Variants in HDGFL3 observed in about 807,000 individuals in gnomAD.
The protein encoded by HDGFL3 is HDGF like 3.
In HDGFL3, 6 loss-of-function variants were observed where a neutral mutation model predicts 27.6. The observed-to-expected ratio is 0.22, with a 90% confidence interval of 0.12 to 0.43. HDGFL3 has a LOEUF of 0.43. Ranked by LOEUF, HDGFL3 falls within the 20% of genes least tolerant of loss-of-function variation. The probability of loss-of-function intolerance (pLI) is 1.00; values close to 1 mark genes in which losing one functional copy is unlikely to be tolerated. For missense variants in HDGFL3, 207 were observed against 250.1 expected (o/e 0.83, Z 1.16); for synonymous variants, 88 against 88.9 (o/e 0.99, Z 0.05).
chr15:83,113,968 T>G (rs766281150), exon 4 of HDGFL3: 1 of 152,212 alleles, frequency 6.6e-6, no homozygotes, highest in Non-Finnish European at 1.5e-5. Flanking sequence ...GTAACTAGTT[T>G]CTCCCAATCC....
At chr15:83,113,896 AGG>A (rs1446292994) in exon 4 of HDGFL3, 2 of 152,298 alleles carry the variant, frequency 1.3e-5, no homozygotes, top group African/African-American at 4.8e-5. Flanking sequence ...GCAACAGCAT[AGG>A]GAGCATTCTC....
At chr15:83,127,529 G>C (rs1487366979), downstream of HDGFL3, 9 of 1,599,616 alleles carry the variant, frequency 5.6e-6, no homozygotes, top group Non-Finnish European at 7.7e-6. Flanking sequence ...GGTGTCAATT[G>C]TTGAATATAT....
intron 1 of HDGFL3, among the ~76,000 whole-genome samples, chr15:83,171,791 TG>T (rs2037249787): frequency 6.6e-6 from 1 of 152,102 alleles, no homozygotes; most frequent in South Asian, 2.1e-4. Context: ...ATTGGATACC[TG>T]GGTAATGGGA....
intron 1 of HDGFL3, among the ~76,000 whole-genome samples, chr15:83,196,734 AATTG>A (rs2037574855): frequency 1.3e-5 from 2 of 152,184 alleles, no homozygotes; most frequent in Non-Finnish European, 2.9e-5. Context: ...AAAAAAATAG[AATTG>A]ATTAACAAAA....
At chr15:83,147,049 C>T (rs1270857872) in intron 5 of HDGFL3, among the ~76,000 whole-genome samples, 1 of 151,964 alleles carries the variant, frequency 6.6e-6, no homozygotes, top group East Asian at 1.9e-4. Context: ...CAGATGTGCA[C>T]CAGATCTTAT....
At chr15:83,186,929 A>G (rs1294515007) in intron 1 of HDGFL3, among the ~76,000 whole-genome samples, 2 of 152,210 alleles carry the variant, frequency 1.3e-5, no homozygotes, top group Non-Finnish European at 2.9e-5. Flanking sequence ...TCTTTATTCT[A>G]TCTGTAAATT....
At chr15:83,194,295 C>G (rs1225896014) in intron 1 of HDGFL3, among the ~76,000 whole-genome samples, 1 of 152,028 alleles carries the variant, frequency 6.6e-6, no homozygotes, top group East Asian at 1.9e-4. Flanking sequence ...GTGAAATAAG[C>G]CAGTCACAAA....
intron 3 of HDGFL3, chr15:83,122,056 GT>G: frequency 3.6e-6 from 5 of 1,373,562 alleles, no homozygotes; most frequent in Non-Finnish European, 4.1e-6. Flanking sequence ...AATGGGGCTT[GT>G]TTTTAAATAG....
At chr15:83,159,906 C>T (rs1321256030) in intron 2 of HDGFL3, among the ~76,000 whole-genome samples, 2 of 152,014 alleles carry the variant, frequency 1.3e-5, no homozygotes, top group East Asian at 3.9e-4. Context: ...AGATGGGAAG[C>T]CATTAAAGGT....
chr15:83,126,259 A>G (rs78080430), downstream of HDGFL3, among the ~76,000 whole-genome samples: 17 of 152,284 alleles, frequency 1.1e-4, no homozygotes, highest in East Asian at 3.1e-3. Context: ...AAAGTGCCAA[A>G]AAGACTTTCC....
chr15:83,177,758 T>G (rs1490244633), intron 1 of HDGFL3, among the ~76,000 whole-genome samples: 1 of 152,324 alleles, frequency 6.6e-6, no homozygotes, highest in East Asian at 1.9e-4. Context: ...TAGGAAGATA[T>G]AGAAAGGATG....
At chr15:83,123,875 C>A (rs970448696), downstream of HDGFL3, among the ~76,000 whole-genome samples, 2 of 152,242 alleles carry the variant, frequency 1.3e-5, no homozygotes, top group African/African-American at 4.8e-5. Flanking sequence ...CAGGGCCAAG[C>A]AGGCATTGTC....
intron 1 of HDGFL3, among the ~76,000 whole-genome samples, chr15:83,178,856 T>C (rs2151414648): frequency 6.6e-6 from 1 of 152,350 alleles, no homozygotes; most frequent in East Asian, 1.9e-4. Flanking sequence ...CCAATGTCAC[T>C]GAGTTCACAG....
chr15:83,194,044 T>G (rs894441095), intron 1 of HDGFL3, among the ~76,000 whole-genome samples: 1 of 152,148 alleles, frequency 6.6e-6, no homozygotes, highest in Non-Finnish European at 1.5e-5. Flanking sequence ...TGCATCAATA[T>G]GAACAAGGAA....
At chr15:83,115,801 CT>C in intron 3 of HDGFL3, 1 of 1,292,280 alleles carries the variant, frequency 7.7e-7, no homozygotes, top group Non-Finnish European at 1.1e-6. Context: ...TAGTAATTGT[CT>C]CCTGAGCTAT....
chr15:83,147,350 G>A (rs779870887), intron 5 of HDGFL3, among the ~76,000 whole-genome samples: 9 of 151,964 alleles, frequency 5.9e-5, no homozygotes, highest in East Asian at 1.9e-4. Context: ...GTGAGCCACC[G>A]CACCTGGCCC....
At position 83,128,818 on chromosome 15, in the gene HDGFL3, C is replaced by T. The variant is rs919525916; in HGVS notation, c.*10452G>A. 6.6e-6 allele frequency: 1 copy of T among 152,022 alleles called. No homozygotes were observed. The highest frequency in any genetic ancestry group is 2.4e-5 in the African/African-American group (1 of 41,384). The allele number at this position is 152,022 out of a possible 1,614,324, so 9.4% of individuals were successfully genotyped here. On this transcript the variant is annotated 3_prime_UTR_variant, in exon 6 of 6. Transcript: ENST00000299633. ...CACTCCTCATCCTCTACATCTAGAC[C>T]ACCACTAAGTCCTTTTTTTTTTCTT...
intron 1 of HDGFL3, among the ~76,000 whole-genome samples, chr15:83,171,050 C>A (rs1038646051): frequency 2.0e-5 from 3 of 151,914 alleles, no homozygotes; most frequent in Non-Finnish European, 4.4e-5. Context: ...ATAATGGCTA[C>A]TATTTTCTTT....
At chr15:83,194,851 A>G (rs1206919419) in intron 1 of HDGFL3, among the ~76,000 whole-genome samples, 1 of 152,184 alleles carries the variant, frequency 6.6e-6, no homozygotes, top group Admixed American at 6.5e-5. Flanking sequence ...TCCCTTCGAA[A>G]ACAACACTGA....
Sources: allele counts gnomAD v4.1 joint callset (sites outside exome capture counted in the v4.1 genomes callset), GRCh38; gene constraint gnomAD v4.1.1; transcripts MANE v1.5; gene names NCBI Gene and HGNC (gene_info 2026-07-23, HGNC 2026-07-21).